The following ITSN2 variants were observed in gnomAD, a reference collection of about 807,000 sequenced individuals.
ITSN2 encodes intersectin-2.
Under a neutral mutation model 243.7 loss-of-function variants are expected in ITSN2, and 156 were observed. The ratio of observed to expected loss-of-function variants is 0.64; its 90% confidence interval spans 0.56 to 0.73. ITSN2 has a LOEUF of 0.73. Ranked by LOEUF, ITSN2 falls within the 30% of genes least tolerant of loss-of-function variation. ITSN2 has a pLI of 0.00. For synonymous variants in ITSN2, 703 were observed against 699.9 expected, an observed-to-expected ratio of 1.00 and a Z score of -0.07; for missense variants, 1,801 against 1,996.1, an observed-to-expected ratio of 0.90 and a Z score of 1.86.
chr2:24,288,381 G>GT (rs776110132), intron 15 of ITSN2, among the ~76,000 whole-genome samples: 3 of 151,912 alleles, frequency 2.0e-5, no homozygotes, highest in Non-Finnish European at 2.9e-5. Context: ...TGTATGTCTT[G>GT]TAATTGACAA....
At chr2:24,268,738 C>T (rs1676976757) in intron 20 of ITSN2, among the ~76,000 whole-genome samples, 2 of 151,724 alleles carry the variant, frequency 1.3e-5, no homozygotes, top group Non-Finnish European at 2.9e-5. Flanking sequence ...TTTAAACTTG[C>T]TCAAGCTTCA....
chr2:24,316,262 G>C (rs1312321867), intron 2 of ITSN2, among the ~76,000 whole-genome samples: 1 of 151,952 alleles, frequency 6.6e-6, no homozygotes, highest in Non-Finnish European at 1.5e-5. Context: ...CCATCTAGTA[G>C]TTTTTATTAT....
chr2:24,246,696 A>T, intron 28 of ITSN2, 101 bp downstream of exon 28: 4 of 751,494 alleles, frequency 5.3e-6, no homozygotes, highest in Non-Finnish European at 8.9e-6. Flanking sequence ...ATAAGGAAAG[A>T]ACACATTTTT....
chr2:24,227,310 A>T (rs1671138307), intron 29 of ITSN2, among the ~76,000 whole-genome samples: 1 of 150,354 alleles, frequency 6.7e-6, no homozygotes, highest in Non-Finnish European at 1.5e-5. Context: ...AAAAAAAATT[A>T]CAAAAAACGG....
In ITSN2 at chr2:24,281,177, T is replaced by C. The variant is rs1678727319; in HGVS notation, c.1944+3586A>G. ...CCGAGTAGCTGGGATTAAAGGCGCG[T>C]GCCACCACACCCAGCTAATTTTTTG... On this transcript the variant is annotated intron_variant, in intron 17 of 39. Coordinates refer to ENST00000355123, the MANE Select transcript of ITSN2 (RefSeq NM_006277.3). Among the ~76,000 whole-genome samples, 3 of 152,104 alleles carry C rather than the reference T, an allele frequency of 2.0e-5. No individual in the cohort carries two copies. The South Asian group carries it at 6.2e-4, about 32-fold the overall frequency.
chr2:24,303,884 T>A (rs752061856), intron 8 of ITSN2, 22 bp from the exon 9 acceptor site: 5 of 1,515,538 alleles, frequency 3.3e-6, no homozygotes, highest in Non-Finnish European at 4.6e-6. Flanking sequence ...GGGAAAATCA[T>A]AAAGGAATTC....
intron 29 of ITSN2, among the ~76,000 whole-genome samples, chr2:24,229,445 T>G (rs1671362835): frequency 6.6e-6 from 1 of 151,954 alleles, no homozygotes; most frequent in Admixed American, 6.6e-5. Context: ...AAAAATTAGC[T>G]GAGTGTGGTG....
In ITSN2 at chr2:24,210,894, G is replaced by T; in HGVS notation, c.4143C>A (p.Ala1381=). The change falls in exon 34 of 40, where the codon GCC becomes GCA. Residue 1381 remains alanine (A), a synonymous_variant. Coordinates refer to ENST00000355123, the MANE Select transcript of ITSN2 (RefSeq NM_006277.3). ...SHADHSSLKL[A]LERAEELCSQ... The stretch of plus-strand genomic sequence containing the variant: ...AGCACAGCTCCTCTGCCCGCTCGAG[G>T]GCCAGCTTTAGGGAGGAATGGTCTG... 6.2e-7 allele frequency: 1 copy of T among 1,614,170 alleles called. No homozygotes were observed. The highest frequency in any genetic ancestry group is 8.5e-7 in the Non-Finnish European group (1 of 1,180,030).
chr2:24,215,902 T>A (rs780304653), intron 32 of ITSN2, 147 bp downstream of exon 32: 7 of 527,384 alleles, frequency 1.3e-5, no homozygotes, highest in African/African-American at 2.0e-5. Flanking sequence ...CACAAAACAA[T>A]CGGAAAATTC....
At position 24,212,734 on chromosome 2, in the gene ITSN2, G is replaced by A; in HGVS notation, c.4005C>T (p.Asp1335=). Residue 1335 remains aspartate, a synonymous_variant, in exon 33 of 40, where the codon GAC becomes GAT. Coordinates refer to ENST00000355123, the MANE Select transcript of ITSN2 (RefSeq NM_006277.3). ...AGAGGGGCATTCCTTTACACCGCGG[G>A]TCAGATGCCAGCTTCTGCAAAACAA... is the stretch of plus-strand genomic sequence containing the variant. ...FKEFLKKLAS[D]PRCKGMPLSS... The A allele has an allele frequency of 6.2e-7, 1 of 1,614,124 alleles. No homozygotes were observed. Among genetic ancestry groups the A allele is most frequent in the Non-Finnish European group, 8.5e-7 (1 of 1,179,988 alleles).
At chr2:24,221,101 T>G (rs769607954) in intron 29 of ITSN2, 35 bp from the exon 30 acceptor site, 3 of 1,586,612 alleles carry the variant, frequency 1.9e-6, no homozygotes, top group South Asian at 2.3e-5. Context: ...AAATATTACT[T>G]TAGTCAACTT....
chr2:24,254,389 C>T lies in ITSN2; in HGVS notation c.2931G>A (p.Ser977=), dbSNP rs569025969. ...LYAAVNKKPT[S]AAYSVGEEYI... ...TACCTTCTCCAACTGAATAGGCTGC[C>T]GAGGTAGGTTTCTTATTTACAGCTG... The change falls in exon 24 of 40, where the codon TCG becomes TCA. Residue 977 remains serine (S), a synonymous_variant. Transcript: ENST00000355123. 6.8e-6 allele frequency: 11 copies of T among 1,612,388 alleles called. No homozygotes were observed. Among genetic ancestry groups the T allele is most frequent in the South Asian group, 5.5e-5 (5 of 90,978 alleles).
rs768547322 is a variant in ITSN2 at position 24,284,856 on chromosome 2, G to A, written c.1864-13C>T. The A allele has an allele frequency of 7.5e-6, 11 of 1,457,204 alleles. No individual in the cohort carries two copies. In the East Asian group the frequency reaches 2.1e-4, roughly 27 times the overall value. The allele number at this position is 1,457,204 out of a possible 1,614,324, so 90.3% of individuals were successfully genotyped here. On this transcript the variant is annotated splice_polypyrimidine_tract_variant and intron_variant, in intron 16 of 39. Coordinates refer to ENST00000355123, the MANE Select transcript of ITSN2 (RefSeq NM_006277.3). ...CCATATTCCCACACTGTAAGATAAG[G>A]CAGATAAAAAGCCAATTAAACTACG...
At chr2:24,294,029 A>G (rs891250156) in intron 14 of ITSN2, among the ~76,000 whole-genome samples, 10 of 152,230 alleles carry the variant, frequency 6.6e-5, no homozygotes, top group Non-Finnish European at 1.5e-4. Flanking sequence ...GGGTGTGTCT[A>G]GAAGCCTACA....
Position 24,286,231 on chromosome 2 carries a change from G to T in ITSN2, c.1844C>A (p.Ser615Tyr), listed in dbSNP as rs1270590523. The T allele has an allele frequency of 8.8e-6, 14 of 1,589,004 alleles. No individual in the cohort carries two copies. The highest frequency in any genetic ancestry group is 2.7e-5 in the African/African-American group (2 of 73,900). The change falls in exon 16 of 40, where the codon TCT becomes TAT. Residue 615 changes from serine to tyrosine, a missense_variant. Physicochemically the swap from Ser to Tyr is moderately radical, Grantham distance 144 (BLOSUM62 -2). Transcript: ENST00000355123. ...AAATACCTTTAGTTGATTGTTAAAA[G>T]AATCCATTTCTGACAGCTTAGATGC... ...ETASKLSEMD[S>Y]FNNQLKCGNM...
chr2:24,227,717 T>TC lies in ITSN2; in HGVS notation c.3578-6652dup, dbSNP rs537560426. ...GGGTGGATCACCTGAGGTCAAGAGT[T>TC]CAAGACCAGCCTGGCCAACAGGGTG... On this transcript the variant is annotated intron_variant, in intron 29 of 39. Transcript: ENST00000355123. 5.9e-3 allele frequency among the ~76,000 whole-genome samples: 890 copies of TC among 152,022 alleles called. 7 individuals carry two copies. Among genetic ancestry groups the TC allele is most frequent in the African/African-American group, 0.02 (831 of 41,454 alleles).
At chr2:24,284,956 G>C (rs1363624435) in intron 16 of ITSN2, 113 bp from the exon 17 acceptor site, 1 of 565,330 alleles carries the variant, frequency 1.8e-6, no homozygotes, top group East Asian at 3.5e-5. Context: ...GACTGCAGTG[G>C]CGCAATCTCA....
At chr2:24,295,254 T>C (rs181137107) in intron 14 of ITSN2, among the ~76,000 whole-genome samples, 10 of 152,272 alleles carry the variant, frequency 6.6e-5, no homozygotes, top group African/African-American at 2.4e-4. Flanking sequence ...CACAAGCCTA[T>C]CAAAGACTCA....
At chr2:24,246,953 C>T in intron 27 of ITSN2, 60 bp from the exon 28 acceptor site, 1 of 1,144,862 alleles carries the variant, frequency 8.7e-7, no homozygotes, top group Non-Finnish European at 1.3e-6. Flanking sequence ...ATCATTGAGA[C>T]ATAACTTAAA....
Sources: gnomAD v4.1 joint callset for allele counts (sites outside exome capture counted in the v4.1 genomes callset) on GRCh38, gnomAD v4.1.1 for gene constraint, MANE v1.5 for transcripts, NCBI Gene and HGNC (gene_info 2026-07-23, HGNC 2026-07-21) for gene names.